The following BRAF variants were observed in gnomAD, a reference collection of about 807,000 sequenced individuals.
The protein encoded by BRAF is serine/threonine-protein kinase B-raf.
A neutral mutation model predicts 104.6 loss-of-function variants in BRAF; 16 were observed. The observed-to-expected ratio is 0.15, with a 90% CI of 0.10 to 0.23. The LOEUF (loss-of-function observed/expected upper bound fraction) is 0.23. Ranked by LOEUF, BRAF falls within the 10% of genes least tolerant of loss-of-function variation. The probability of loss-of-function intolerance (pLI) is 1.00; values close to 1 mark genes in which losing one functional copy is unlikely to be tolerated. For synonymous variants in BRAF, 310 were observed against 341.6 expected, an observed-to-expected ratio of 0.91 and a Z score of 1.02; for missense variants, 541 against 937.3, an observed-to-expected ratio of 0.58 and a Z score of 5.52.
chr7:140,824,591 T>C (rs1374483502), intron 3 of BRAF, among the ~76,000 whole-genome samples: 1 of 151,820 alleles, frequency 6.6e-6, no homozygotes, highest in Non-Finnish European at 1.5e-5. Flanking sequence ...TTGACTGCTT[T>C]GGCTATACGG....
At chr7:140,903,012 C>T (rs1338326744) in intron 1 of BRAF, among the ~76,000 whole-genome samples, 2 of 150,786 alleles carry the variant, frequency 1.3e-5, no homozygotes, top group African/African-American at 2.5e-5. Flanking sequence ...GCAACCTCTG[C>T]CTCCCGGGTT....
chr7:140,717,158 T>C (rs1329325710), downstream of BRAF, among the ~76,000 whole-genome samples: 1 of 152,252 alleles, frequency 6.6e-6, no homozygotes, highest in Admixed American at 6.5e-5. Flanking sequence ...GACAAAATTA[T>C]ATATCTGTAA....
intron 7 of BRAF, among the ~76,000 whole-genome samples, chr7:140,797,664 T>A (rs980410025): frequency 7.2e-5 from 11 of 152,194 alleles, no homozygotes; most frequent in Non-Finnish European, 1.5e-4. Context: ...TAAGATAGCA[T>A]TCCTTCACTG....
At chr7:140,859,435 G>A (rs1810154382) in intron 1 of BRAF, among the ~76,000 whole-genome samples, 2 of 152,110 alleles carry the variant, frequency 1.3e-5, no homozygotes, top group Admixed American at 6.5e-5. Context: ...CAGACCTTAG[G>A]GAATTGTGTG....
intron 1 of BRAF, among the ~76,000 whole-genome samples, chr7:140,876,519 C>T (rs1812281161): frequency 6.6e-6 from 1 of 152,040 alleles, no homozygotes; most frequent in African/African-American, 2.4e-5. Context: ...AATTAAAAGA[C>T]AAGATTGTTA....
intron 17 of BRAF, chr7:140,741,787 G>A (rs191865367): frequency 1.9e-4 from 29 of 151,992 alleles, no homozygotes; most frequent in South Asian, 1.5e-3. Context: ...ATGAAACCCC[G>A]TCTCTACTAA....
chr7:140,875,231 C>A lies in BRAF; in HGVS notation c.139-25019G>T, dbSNP rs1445589375. ...CAAAGAATAGGATGATTAAAAATAT[C>A]TGAAGAAATAATGTCAAAAGCCTTC... On this transcript the variant is annotated intron_variant, in intron 1 of 19. Transcript: ENST00000644969. 9.9e-5 allele frequency among the ~76,000 whole-genome samples: 15 copies of A among 152,150 alleles called. 1 individual carries two copies. Among genetic ancestry groups the A allele is most frequent in the Non-Finnish European group, 2.1e-4 (14 of 68,032 alleles).
chr7:140,798,823 T>A (rs1802779461), intron 7 of BRAF, among the ~76,000 whole-genome samples: 1 of 151,948 alleles, frequency 6.6e-6, no homozygotes, highest in Admixed American at 6.6e-5. Context: ...TATTTCCTAC[T>A]ATGAAGCTTA....
At position 140,733,348 on chromosome 7, in the gene BRAF, A is replaced by T. The variant is rs562622547; in HGVS notation, c.2401+1269T>A. 4.6e-5 allele frequency: 7 copies of T among 151,974 alleles called. No individual in the cohort carries two copies. The East Asian group carries it at 1.3e-3, about 29-fold the overall frequency. 9.4% of individuals were successfully genotyped at this position (151,974 alleles called of 1,614,324 possible). On this transcript the variant is annotated intron_variant, in intron 19 of 19. Transcript: ENST00000644969. Reference sequence around the variant, plus strand: ...CTTGATCTATTGGCTACATTTAAAAATCATGACAAAACCAAATTGAGTAAG... The same window carrying T: ...CTTGATCTATTGGCTACATTTAAAATTCATGACAAAACCAAATTGAGTAAG...
rs1014237020 is a variant in BRAF at position 140,726,531 on chromosome 7, C to A, written c.2402-15G>T. 2.0e-6 allele frequency: 3 copies of A among 1,531,074 alleles called. No homozygotes were observed. Among genetic ancestry groups the A allele is most frequent in the Non-Finnish European group, 2.6e-6 (3 of 1,142,304 alleles). The allele number at this position is 1,531,074 out of a possible 1,614,324, so 94.8% of individuals were successfully genotyped here. A position where few individuals can be genotyped will look rare whatever the true frequency, so the allele number is the denominator to read the frequency against. Reference sequence around the variant, plus strand: ...TGCAAATTCTCCTGTAGAGGGAGGACAAGAGCTAATTTTAAAAAAGTCATC... The same window carrying A: ...TGCAAATTCTCCTGTAGAGGGAGGAAAAGAGCTAATTTTAAAAAAGTCATC... On this transcript the variant is annotated splice_polypyrimidine_tract_variant and intron_variant, in intron 19 of 19. Transcript: ENST00000644969.
At chr7:140,912,126 C>A (rs1378729552) in intron 1 of BRAF, among the ~76,000 whole-genome samples, 1 of 152,212 alleles carries the variant, frequency 6.6e-6, no homozygotes, top group East Asian at 1.9e-4. Flanking sequence ...GCACCCCAGC[C>A]TGGGTAGCAG....
chr7:140,869,625 T>A (rs1811345703), intron 1 of BRAF, among the ~76,000 whole-genome samples: 1 of 150,142 alleles, frequency 6.7e-6, no homozygotes. Context: ...AGACTGAGAC[T>A]CTGTCTCAAA....
intron 1 of BRAF, among the ~76,000 whole-genome samples, chr7:140,853,787 G>C (rs1809460875): frequency 6.6e-6 from 1 of 151,944 alleles, no homozygotes. Context: ...TTGTTCCGTA[G>C]CATATGTGAC....
chr7:140,900,619 GTTTGTT>G (rs1284201848), intron 1 of BRAF, among the ~76,000 whole-genome samples: 1 of 152,194 alleles, frequency 6.6e-6, no homozygotes, highest in African/African-American at 2.4e-5. Context: ...TTGCTTGTTT[GTTTGTT>G]TTTAAGACTG....
intron 19 of BRAF, among the ~76,000 whole-genome samples, chr7:140,730,145 T>C (rs1201462467): frequency 6.6e-6 from 1 of 152,122 alleles, no homozygotes; most frequent in Non-Finnish European, 1.5e-5. Context: ...CTTTTCTTAA[T>C]GATTCCTTCT....
At chr7:140,878,220 C>T (rs1226809341) in intron 1 of BRAF, among the ~76,000 whole-genome samples, 1 of 152,030 alleles carries the variant, frequency 6.6e-6, no homozygotes, top group Non-Finnish European at 1.5e-5. Context: ...GCTCAAAGGA[C>T]AATTTATAGC....
In BRAF at chr7:140,719,921, G is replaced by A. The variant is rs1283653715; in HGVS notation, c.*6573C>T. On this transcript the variant is annotated 3_prime_UTR_variant, in exon 20 of 20. Coordinates refer to ENST00000644969, the MANE Select transcript of BRAF (RefSeq NM_001374258.1). Reference sequence around the variant, plus strand: ...GAAAAGAGGAATGTGTGTGTGAGTCGCCATAAGGTTTGGAGTGGTGAAACA... The same window carrying A: ...GAAAAGAGGAATGTGTGTGTGAGTCACCATAAGGTTTGGAGTGGTGAAACA... 7 of 1,061,890 alleles carry A rather than the reference G, an allele frequency of 6.6e-6. No homozygotes were observed. Among genetic ancestry groups the A allele is most frequent in the South Asian group, 4.6e-5 (1 of 21,952 alleles). The allele number at this position is 1,061,890 out of a possible 1,614,324, so 65.8% of individuals were successfully genotyped here.
intron 1 of BRAF, among the ~76,000 whole-genome samples, chr7:140,870,573 G>T (rs2129092091): frequency 6.6e-6 from 1 of 150,882 alleles, no homozygotes. Flanking sequence ...GTCTTTGCAG[G>T]TAGCTCTTTT....
chr7:140,722,741 T>C lies in BRAF; in HGVS notation c.*3753A>G. 9.5e-7 allele frequency: 1 copy of C among 1,050,396 alleles called. No homozygotes were observed. Among genetic ancestry groups the C allele is most frequent in the Admixed American group, 5.5e-5 (1 of 18,244 alleles). The allele number at this position is 1,050,396 out of a possible 1,614,324, so 65.1% of individuals were successfully genotyped here. On this transcript the variant is annotated 3_prime_UTR_variant, in exon 20 of 20. Coordinates refer to ENST00000644969, the MANE Select transcript of BRAF (RefSeq NM_001374258.1). The stretch of plus-strand genomic sequence containing the variant: ...AGCTGCAGCAAACTCATTATGAGGA[T>C]GTACTGTCATGCCAAGCCTACTGAA...
Sources: allele counts gnomAD v4.1 joint callset (sites outside exome capture counted in the v4.1 genomes callset), GRCh38; gene constraint gnomAD v4.1.1; transcripts MANE v1.5; gene names NCBI Gene and HGNC (gene_info 2026-07-23, HGNC 2026-07-21).